ZNF385B: variants seen among roughly 807,000 people sequenced by gnomAD.
The protein encoded by ZNF385B is zinc finger protein 533.
In ZNF385B, 23 loss-of-function variants were observed where a neutral mutation model predicts 39.2. The observed-to-expected ratio is 0.59, with a 90% CI of 0.42 to 0.83. ZNF385B has a LOEUF of 0.83. Ranked by LOEUF, ZNF385B falls within the 40% of genes least tolerant of loss-of-function variation. The pLI, the probability that ZNF385B is intolerant of heterozygous loss-of-function variation, is 0.00. For synonymous variants in ZNF385B, 205 were observed against 222.6 expected, an observed-to-expected ratio of 0.92 and a Z score of 0.70; for missense variants, 552 against 598.9, an observed-to-expected ratio of 0.92 and a Z score of 0.82.
At chr2:179,497,383 CA>C (rs1389979903) in intron 5 of ZNF385B, among the ~76,000 whole-genome samples, 2 of 151,846 alleles carry the variant, frequency 1.3e-5, no homozygotes, top group Non-Finnish European at 2.9e-5. Flanking sequence ...TAAATAGAAA[CA>C]ACAAAAAGTT....
intron 3 of ZNF385B, among the ~76,000 whole-genome samples, chr2:179,701,696 G>T (rs1699214822): frequency 2.0e-5 from 3 of 152,246 alleles, no homozygotes; most frequent in Admixed American, 2.0e-4. Context: ...CCTCAGAAAT[G>T]CCTGGCATTT....
In ZNF385B at chr2:179,562,325, GTTTTATA is replaced by G. The variant is rs1402802009; in HGVS notation, c.299-17363_299-17357del. 4 of 912,714 alleles carry G rather than the reference GTTTTATA, an allele frequency of 4.4e-6. No homozygotes were observed. The East Asian group carries it at 3.5e-4, about 81-fold the overall frequency. The allele number at this position is 912,714 out of a possible 1,614,324, so 56.5% of individuals were successfully genotyped here. On this transcript the variant is annotated intron_variant, in intron 3 of 9. Transcript: ENST00000410066. ...TCTTTTTCTGAAATTCATTTGACCT[GTTTTATA>G]TTTTTGTCACATATTTCATAAGAAA...
At chr2:179,772,799 G>A (rs559694218) in intron 1 of ZNF385B, among the ~76,000 whole-genome samples, 2 of 152,212 alleles carry the variant, frequency 1.3e-5, no homozygotes, top group Non-Finnish European at 2.9e-5. Flanking sequence ...ACCTTCGGGG[G>A]TGTCTGATTT....
At chr2:179,596,710 AC>A (rs1459078404) in intron 3 of ZNF385B, among the ~76,000 whole-genome samples, 1 of 152,186 alleles carries the variant, frequency 6.6e-6, no homozygotes, top group African/African-American at 2.4e-5. Context: ...TTCCTATGCC[AC>A]ACTTTCAGAA....
rs371914260 is a variant in ZNF385B at position 179,703,509 on chromosome 2, C to T, written c.298+65994G>A. Among the ~76,000 whole-genome samples the T allele has an allele frequency of 3.7e-4, 56 of 152,240 alleles. No individual in the cohort carries two copies. The South Asian group carries it at 0.011, about 30-fold the overall frequency. ...TGTCTCCCCATTAAAATGTCAGGTC[C>T]AGAAGGTTTTGTTCACTGCTTTCCA... On this transcript the variant is annotated intron_variant, in intron 3 of 9. Coordinates refer to ENST00000410066, the MANE Select transcript of ZNF385B (RefSeq NM_152520.6).
At chr2:179,592,084 C>T (rs781755527) in intron 3 of ZNF385B, among the ~76,000 whole-genome samples, 5 of 152,188 alleles carry the variant, frequency 3.3e-5, no homozygotes, top group Non-Finnish European at 5.9e-5. Flanking sequence ...GCACATGCTC[C>T]ATTTATGAAG....
intron 3 of ZNF385B, among the ~76,000 whole-genome samples, chr2:179,755,588 A>C (rs1575428701): frequency 2.6e-5 from 4 of 152,154 alleles, no homozygotes; most frequent in Admixed American, 2.0e-4. Context: ...TAGGTCTCTA[A>C]GGACTTGCTT....
chr2:179,660,235 A>T (rs991957025), intron 3 of ZNF385B: 1 of 152,336 alleles, frequency 6.6e-6, no homozygotes, highest in East Asian at 1.9e-4. Flanking sequence ...AGTCTGCTGG[A>T]GTACTGGCCT....
At chr2:179,626,111 T>C (rs1690641147) in intron 3 of ZNF385B, among the ~76,000 whole-genome samples, 1 of 152,162 alleles carries the variant, frequency 6.6e-6, no homozygotes, top group South Asian at 2.1e-4. Context: ...ACTCAGAATG[T>C]ATACACATAG....
chr2:179,580,840 T>C (rs1686417330), intron 3 of ZNF385B, among the ~76,000 whole-genome samples: 1 of 152,202 alleles, frequency 6.6e-6, no homozygotes, highest in African/African-American at 2.4e-5. Flanking sequence ...TCCGTCACAT[T>C]GCAAAGAGCA....
At chr2:179,593,110 G>T (rs1006887320) in intron 3 of ZNF385B, among the ~76,000 whole-genome samples, 1 of 152,076 alleles carries the variant, frequency 6.6e-6, no homozygotes, top group Non-Finnish European at 1.5e-5. Flanking sequence ...GATAAAAATG[G>T]ATTACTTGCT....
chr2:179,446,662 G>C lies in ZNF385B; in HGVS notation c.824C>G (p.Thr275Ser). The change falls in exon 7 of 10, where the codon ACT becomes AGT. Residue 275 changes from threonine (T) to serine (S), a missense_variant. Transcript: ENST00000410066. ...TCCATTTGTGCTCTTGGAGGGAGAA[G>C]TGGCTGCTCCAGGTGGCAGGGGTGT... Reference protein sequence around the residue: ...GTTPLPPGAATSPSKSTNGAP... With the variant: ...GTTPLPPGAASSPSKSTNGAP... The C allele has an allele frequency of 1.9e-6, 3 of 1,614,136 alleles. No homozygotes were observed. The highest frequency in any genetic ancestry group is 2.5e-6 in the Non-Finnish European group (3 of 1,180,006).
At chr2:179,694,198 T>C (rs546561097) in intron 3 of ZNF385B, among the ~76,000 whole-genome samples, 2 of 152,310 alleles carry the variant, frequency 1.3e-5, no homozygotes, top group East Asian at 1.9e-4. Context: ...AACCAATTCA[T>C]AGCCATGTAG....
At chr2:179,767,486 A>G (rs35008351) in intron 3 of ZNF385B, among the ~76,000 whole-genome samples, 1 of 152,192 alleles carries the variant, frequency 6.6e-6, no homozygotes, top group Non-Finnish European at 1.5e-5. Flanking sequence ...TATAAATAGA[A>G]CCGAATCTTC....
intron 3 of ZNF385B, among the ~76,000 whole-genome samples, chr2:179,644,451 T>C (rs1320554771): frequency 6.6e-6 from 1 of 152,192 alleles, no homozygotes; most frequent in African/African-American, 2.4e-5. Context: ...TGCATCGAAG[T>C]TATCAACTTG....
intron 3 of ZNF385B, among the ~76,000 whole-genome samples, chr2:179,601,788 ATAT>A (rs1237106752): frequency 6.6e-6 from 1 of 152,204 alleles, no homozygotes; most frequent in Non-Finnish European, 1.5e-5. Context: ...AGAGCCAGCA[ATAT>A]TATTACACTA....
intron 3 of ZNF385B, among the ~76,000 whole-genome samples, chr2:179,761,027 C>A (rs1048954939): frequency 4.6e-5 from 7 of 151,992 alleles, no homozygotes; most frequent in African/African-American, 1.7e-4. Context: ...TGCTTTTGTA[C>A]CTTTATCAAA....
At chr2:179,449,948 C>T (rs1574183750) in intron 6 of ZNF385B, among the ~76,000 whole-genome samples, 1 of 151,762 alleles carries the variant, frequency 6.6e-6, no homozygotes, top group Non-Finnish European at 1.5e-5. Context: ...AATAATGCCG[C>T]ATATCTACAA....
intron 1 of ZNF385B, among the ~76,000 whole-genome samples, chr2:179,777,098 G>A (rs1704368105): frequency 6.6e-6 from 1 of 151,570 alleles, no homozygotes; most frequent in Non-Finnish European, 1.5e-5. Context: ...ACTGTTTAAT[G>A]TCTATGTAAA....
Sources: allele counts gnomAD v4.1 joint callset (sites outside exome capture counted in the v4.1 genomes callset), GRCh38; gene constraint gnomAD v4.1.1; transcripts MANE v1.5; gene names NCBI Gene and HGNC (gene_info 2026-07-23, HGNC 2026-07-21).